LGSN: variants seen among roughly 807,000 people sequenced by gnomAD.
LGSN encodes the protein lengsin, lens protein with glutamine synthetase domain.
A neutral mutation model predicts 19.5 loss-of-function variants in LGSN; 21 were observed. That is an observed-to-expected ratio of 1.07 (90% CI 0.76 to 1.55). LGSN has a LOEUF of 1.55. Among genes scored for constraint, LGSN ranks in the 40% most tolerant of loss-of-function variants. The pLI is 0.00. For missense variants in LGSN, 673 were observed against 608.5 expected (o/e 1.11, Z -1.12); for synonymous variants, 257 against 215.6 (o/e 1.19, Z -1.68).
the LGSN span, among the ~76,000 whole-genome samples, chr6:63,418,191 T>A: frequency 2.6e-5 from 4 of 152,190 alleles, no homozygotes; most frequent in Non-Finnish European, 5.9e-5. Flanking sequence ...GAAAAAGATG[T>A]TGACTTCTGG....
At chr6:63,323,837 T>A (rs886233467), upstream of LGSN, among the ~76,000 whole-genome samples, 2 of 150,416 alleles carry the variant, frequency 1.3e-5, no homozygotes, top group Admixed American at 1.3e-4. Context: ...AGTGGTGCGA[T>A]CTGGGCTCAC....
the LGSN span, among the ~76,000 whole-genome samples, chr6:63,514,181 C>T: frequency 6.6e-6 from 1 of 152,132 alleles, no homozygotes; most frequent in African/African-American, 2.4e-5. Flanking sequence ...CTCTGTTGTG[C>T]TCTGACCCTT....
At chr6:63,432,088 GGAAAGAAA>G in the LGSN span, among the ~76,000 whole-genome samples, 6,159 of 44,564 alleles carry the variant, frequency 0.14, 586 homozygotes, top group Non-Finnish European at 0.14. Flanking sequence ...AGAAAAAGAA[GGAAAGAAA>G]GAAAGAAAGA....
rs1403737246 is a variant in LGSN at position 63,279,934 on chromosome 6, T to C, written c.*87A>G. ...CGTAATCTTGTTATTGTTGCTGTTG[T>C]TAATTACAAAAGTTCAGTCTTTTTG... On this transcript the variant is annotated 3_prime_UTR_variant, in exon 4 of 4. Transcript: ENST00000370657. 9 of 1,245,448 alleles carry C rather than the reference T, an allele frequency of 7.2e-6. No individual in the cohort carries two copies. The highest frequency in any genetic ancestry group is 4.5e-6 in the Non-Finnish European group (4 of 893,648). The allele number at this position is 1,245,448 out of a possible 1,614,324, so 77.1% of individuals were successfully genotyped here. A position where few individuals can be genotyped will look rare whatever the true frequency, so the allele number is the denominator to read the frequency against.
the LGSN span, among the ~76,000 whole-genome samples, chr6:63,526,780 G>C: frequency 3.7e-4 from 53 of 142,508 alleles, no homozygotes; most frequent in African/African-American, 1.4e-3. Flanking sequence ...ACCTGCGACA[G>C]AGCAAGACTC....
chr6:63,372,823 A>G, the LGSN span, among the ~76,000 whole-genome samples: 1 of 152,296 alleles, frequency 6.6e-6, no homozygotes, highest in Admixed American at 6.5e-5. Context: ...TCCTAACACT[A>G]AGAATATTCA....
chr6:63,326,867 G>A, the LGSN span, among the ~76,000 whole-genome samples: 2 of 152,192 alleles, frequency 1.3e-5, no homozygotes, highest in Non-Finnish European at 2.9e-5. Flanking sequence ...GAGGGAGCGG[G>A]CTCTGGCCTT....
chr6:63,323,557 T>TACACACAC (rs1405899851), upstream of LGSN, among the ~76,000 whole-genome samples: 2 of 96,166 alleles, frequency 2.1e-5, no homozygotes, highest in African/African-American at 4.3e-5. Context: ...CAAAACCTCA[T>TACACACAC]ATACACACAC....
chr6:63,329,171 C>A, the LGSN span, among the ~76,000 whole-genome samples: 30 of 152,318 alleles, frequency 2.0e-4, no homozygotes, highest in East Asian at 5.4e-3. Flanking sequence ...AGTGCCTGGA[C>A]TTGAGAAGTA....
At chr6:63,524,678 G>C in the LGSN span, among the ~76,000 whole-genome samples, 1 of 152,144 alleles carries the variant, frequency 6.6e-6, no homozygotes, top group African/African-American at 2.4e-5. Context: ...AAGCAAAAGA[G>C]AAATGCAAAG....
the LGSN span, among the ~76,000 whole-genome samples, chr6:63,364,588 A>C: frequency 1.3e-5 from 2 of 152,232 alleles, no homozygotes; most frequent in African/African-American, 4.8e-5. Flanking sequence ...AAGCAAACCT[A>C]ATAGACATCT....
At position 63,280,538 on chromosome 6, in the gene LGSN, G is replaced by A. The variant is rs372668010; in HGVS notation, c.1013C>T (p.Thr338Met). 24 of 1,614,046 alleles carry A rather than the reference G, an allele frequency of 1.5e-5. No individual in the cohort carries two copies. Among genetic ancestry groups the A allele is most frequent in the Middle Eastern group, 1.6e-4 (1 of 6,062 alleles). The change falls in exon 4 of 4, where the codon ACG becomes ATG. Residue 338 changes from threonine (T) to methionine (M), a missense_variant. Thr to Met is a moderately conservative substitution (Grantham distance 81). Coordinates refer to ENST00000370657, the MANE Select transcript of LGSN (RefSeq NM_016571.3). The part of the protein sequence containing the change: ...FCSTSGTEQL[T>M]ITGKKWLAGL... The stretch of plus-strand genomic sequence containing the variant: ...TGCCAACCATTTTTTCCCAGTGATC[G>A]TGAGCTGCTCAGTTCCAGAAGTGCT...
At chr6:63,334,496 G>A in the LGSN span, among the ~76,000 whole-genome samples, 1 of 152,126 alleles carries the variant, frequency 6.6e-6, no homozygotes, top group South Asian at 2.1e-4. Context: ...CCATGCTCAA[G>A]AATTGGAAAA....
the LGSN span, among the ~76,000 whole-genome samples, chr6:63,484,532 A>T: frequency 6.6e-6 from 1 of 152,192 alleles, no homozygotes; most frequent in Admixed American, 6.5e-5. Flanking sequence ...TCAAAAAAAA[A>T]GAAAAAAAAT....
the LGSN span, among the ~76,000 whole-genome samples, chr6:63,339,614 T>C: frequency 2.6e-5 from 4 of 152,162 alleles, no homozygotes; most frequent in Admixed American, 2.6e-4. Context: ...TCAGTCTTGG[T>C]TTTTTTCCAT....
At chr6:63,435,589 T>C in the LGSN span, among the ~76,000 whole-genome samples, 18 of 151,964 alleles carry the variant, frequency 1.2e-4, no homozygotes, top group Admixed American at 7.2e-4. Context: ...TCAGATCGTG[T>C]GACTTCTCTG....
At chr6:63,283,627 T>C (rs1767408623) in intron 3 of LGSN, among the ~76,000 whole-genome samples, 1 of 151,462 alleles carries the variant, frequency 6.6e-6, no homozygotes, top group Non-Finnish European at 1.5e-5. Context: ...TCTTTTTTTT[T>C]TTTTTTTGAG....
the LGSN span, among the ~76,000 whole-genome samples, chr6:63,417,782 C>G: frequency 6.6e-6 from 1 of 152,124 alleles, no homozygotes; most frequent in Non-Finnish European, 1.5e-5. Context: ...ACTCATAGTA[C>G]TTAGTGTAAA....
the LGSN span, among the ~76,000 whole-genome samples, chr6:63,543,751 G>C: frequency 6.6e-6 from 1 of 152,148 alleles, no homozygotes; most frequent in African/African-American, 2.4e-5. Context: ...CCTAAGTCAA[G>C]TGAAACTTAT....
Sources: allele counts gnomAD v4.1 joint callset (sites outside exome capture counted in the v4.1 genomes callset), GRCh38; gene constraint gnomAD v4.1.1; transcripts MANE v1.5; gene names NCBI Gene and HGNC (gene_info 2026-07-23, HGNC 2026-07-21).